PPARGC1A: variants seen among roughly 807,000 people sequenced by gnomAD.
The protein encoded by PPARGC1A is peroxisome proliferator-activated receptor gamma coactivator 1-alpha.
A neutral mutation model predicts 88.7 loss-of-function variants in PPARGC1A; 25 were observed. The ratio of observed to expected loss-of-function variants is 0.28; its 90% CI spans 0.21 to 0.39. The LOEUF (loss-of-function observed/expected upper bound fraction) is 0.39. Among genes scored for constraint, PPARGC1A ranks in the 10% least tolerant of loss-of-function variants. The pLI, the probability that PPARGC1A is intolerant of heterozygous loss-of-function variation, is 1.00. For missense variants in PPARGC1A, 880 were observed against 968.7 expected, an observed-to-expected ratio of 0.91 and a Z score of 1.22; for synonymous variants, 363 against 355.6, an observed-to-expected ratio of 1.02 and a Z score of -0.24.
chr4:24,190,567 C>A, the PPARGC1A span, among the ~76,000 whole-genome samples: 1 of 151,976 alleles, frequency 6.6e-6, no homozygotes, highest in East Asian at 1.9e-4. Flanking sequence ...TCTATTATTT[C>A]CTGAATCCCC....
the PPARGC1A span, among the ~76,000 whole-genome samples, chr4:24,025,734 G>A: frequency 6.6e-6 from 1 of 150,406 alleles, no homozygotes; most frequent in Admixed American, 6.6e-5. Context: ...GATGGAATAA[G>A]AGACATTGTC....
chr4:23,859,703 C>A (rs919355054), intron 2 of PPARGC1A, among the ~76,000 whole-genome samples: 1 of 151,724 alleles, frequency 6.6e-6, no homozygotes, highest in African/African-American at 2.4e-5. Context: ...ATGGCAGGAA[C>A]CTGGGAGGTG....
upstream of PPARGC1A, among the ~76,000 whole-genome samples, chr4:23,907,495 A>G (rs192680838): frequency 1.3e-5 from 2 of 152,220 alleles, no homozygotes; most frequent in African/African-American, 4.8e-5. Flanking sequence ...TTCAGTAAGG[A>G]GTCCCAGAGA....
chr4:24,065,806 G>A, the PPARGC1A span, among the ~76,000 whole-genome samples: 1 of 152,110 alleles, frequency 6.6e-6, no homozygotes, highest in Non-Finnish European at 1.5e-5. Context: ...TAAGAGGAAC[G>A]GACAAAAGCC....
the PPARGC1A span, among the ~76,000 whole-genome samples, chr4:24,160,187 T>G: frequency 6.6e-6 from 1 of 152,226 alleles, no homozygotes; most frequent in East Asian, 1.9e-4. Flanking sequence ...CTTCTTTCTC[T>G]GCAGGGTTGC....
At chr4:24,001,871 C>T in the PPARGC1A span, among the ~76,000 whole-genome samples, 29 of 152,078 alleles carry the variant, frequency 1.9e-4, 1 homozygote, top group Admixed American at 6.6e-5. Flanking sequence ...CCGAAACAGA[C>T]GTTCTTCAAG....
chr4:24,257,146 TCTAA>T, the PPARGC1A span, among the ~76,000 whole-genome samples: 7 of 152,204 alleles, frequency 4.6e-5, no homozygotes, highest in African/African-American at 1.2e-4. Context: ...GAAGGAATTC[TCTAA>T]CTGTCAGAGT....
the PPARGC1A span, among the ~76,000 whole-genome samples, chr4:24,304,996 G>C: frequency 1.3e-5 from 2 of 151,996 alleles, no homozygotes; most frequent in Admixed American, 6.6e-5. Context: ...GGATAAGTCA[G>C]ACAAAGTCCC....
rs61661281 is a variant in PPARGC1A, at chr4:23,823,426, T to C, written c.877+854A>G. Among the ~76,000 whole-genome samples the C allele has an allele frequency of 6.6e-3, 1,001 of 151,916 alleles. 13 individuals are homozygous for C. Among genetic ancestry groups the C allele is most frequent in the African/African-American group, 0.023 (960 of 41,370 alleles). On this transcript the variant is annotated intron_variant, in intron 7 of 12. Coordinates refer to ENST00000264867, the MANE Select transcript of PPARGC1A (RefSeq NM_013261.5). Reference sequence around the variant, plus strand: ...TTCTACCAAAACTGTAATATTTGAATGTATATTTTTGTGTTTTAAGCAAAG... The same window carrying C: ...TTCTACCAAAACTGTAATATTTGAACGTATATTTTTGTGTTTTAAGCAAAG...
At chr4:24,410,944 G>A in the PPARGC1A span, among the ~76,000 whole-genome samples, 1 of 152,264 alleles carries the variant, frequency 6.6e-6, no homozygotes, top group South Asian at 2.1e-4. Flanking sequence ...CTTGCAGACT[G>A]CCTATTGTGG....
At position 23,865,000 on chromosome 4, in the gene PPARGC1A, A is replaced by C. The variant is rs1711589183; in HGVS notation, c.234+19752T>G. Among the ~76,000 whole-genome samples, 4 of 152,192 alleles carry C rather than the reference A, an allele frequency of 2.6e-5. No individual in the cohort carries two copies. In the South Asian group the frequency reaches 8.3e-4, roughly 32 times the overall value. On this transcript the variant is annotated intron_variant, in intron 2 of 12. Coordinates refer to ENST00000264867, the MANE Select transcript of PPARGC1A (RefSeq NM_013261.5). ...GGAGTTTGAGACCAGCCTGGGCAACATGGTGAGACCCCATCTCCACTAAAA... is the reference window on the plus strand; with the variant it reads ...GGAGTTTGAGACCAGCCTGGGCAACCTGGTGAGACCCCATCTCCACTAAAA...
intron 2 of PPARGC1A, among the ~76,000 whole-genome samples, chr4:23,878,348 T>TA (rs61188993): frequency 0.15 from 15,020 of 98,886 alleles, 875 homozygotes; most frequent in Middle Eastern, 0.21. Context: ...TCAACGTCCA[T>TA]AAAAAAAAAA....
the PPARGC1A span, among the ~76,000 whole-genome samples, chr4:24,049,553 G>A: frequency 2.0e-5 from 3 of 151,942 alleles, no homozygotes; most frequent in African/African-American, 4.8e-5. Flanking sequence ...AAGACAAGGT[G>A]AGAATAGAGG....
the PPARGC1A span, among the ~76,000 whole-genome samples, chr4:24,113,768 G>C: frequency 6.6e-6 from 1 of 152,026 alleles, no homozygotes; most frequent in East Asian, 1.9e-4. Flanking sequence ...GTGATACTTG[G>C]AGCTGTGGCA....
chr4:24,416,912 T>A, the PPARGC1A span, among the ~76,000 whole-genome samples: 1 of 151,746 alleles, frequency 6.6e-6, no homozygotes, highest in Non-Finnish European at 1.5e-5. Context: ...CTGCCTGTAA[T>A]CCCAGCTACT....
the PPARGC1A span, among the ~76,000 whole-genome samples, chr4:24,325,243 T>C: frequency 6.6e-6 from 1 of 152,184 alleles, no homozygotes. Context: ...ATATACATTT[T>C]ATTACCCAAT....
intron 1 of PPARGC1A, among the ~76,000 whole-genome samples, chr4:23,886,160 C>T (rs963107778): frequency 3.3e-5 from 5 of 152,304 alleles, no homozygotes; most frequent in East Asian, 1.9e-4. Context: ...CACACACTGA[C>T]GCAGCACCCT....
At chr4:24,227,420 T>C in the PPARGC1A span, among the ~76,000 whole-genome samples, 82,567 of 151,996 alleles carry the variant, frequency 0.54, 23,221 homozygotes, top group East Asian at 0.63. Context: ...TCTCTATGTC[T>C]TAGGGGACTC....
At chr4:24,130,157 T>A in the PPARGC1A span, among the ~76,000 whole-genome samples, 419 of 152,068 alleles carry the variant, frequency 2.8e-3, no homozygotes, top group Middle Eastern at 0.017. Flanking sequence ...ATAAAAAAAA[T>A]AATAATAATA....
Sources: allele counts gnomAD v4.1 joint callset (sites outside exome capture counted in the v4.1 genomes callset), GRCh38; gene constraint gnomAD v4.1.1; transcripts MANE v1.5; gene names NCBI Gene and HGNC (gene_info 2026-07-23, HGNC 2026-07-21).